COL21A1: variants seen among roughly 807,000 people sequenced by gnomAD.
COL21A1 encodes the protein collagen alpha-1(XXI) chain.
COL21A1 carries 149 observed loss-of-function variants against 137.9 expected under a neutral mutation model. The ratio of observed to expected loss-of-function variants is 1.08; its 90% CI spans 0.95 to 1.24. COL21A1 has a LOEUF of 1.24. COL21A1 is among the 50% of genes most tolerant of loss of function. COL21A1 has a pLI of 0.00. For missense variants in COL21A1, 1,167 were observed against 1,158.4 expected (o/e 1.01, Z -0.11); for synonymous variants, 456 against 391.5 (o/e 1.16, Z -1.95).
At chr6:56,336,949 G>A (rs572438206) in intron 1 of COL21A1, among the ~76,000 whole-genome samples, 144 of 152,284 alleles carry the variant, frequency 9.5e-4, no homozygotes, top group Non-Finnish European at 1.6e-3. Context: ...TTTTGACTAA[G>A]TAAATACTCT....
At chr6:56,097,405 T>G (rs1769431952) in intron 17 of COL21A1, among the ~76,000 whole-genome samples, 1 of 152,120 alleles carries the variant, frequency 6.6e-6, no homozygotes, top group Admixed American at 6.6e-5. Flanking sequence ...ATTTAGTTTT[T>G]GCTTGCTTAT....
intron 1 of COL21A1, among the ~76,000 whole-genome samples, chr6:56,305,486 A>C (rs1226602503): frequency 6.6e-6 from 1 of 152,162 alleles, no homozygotes; most frequent in Non-Finnish European, 1.5e-5. Context: ...ACCATTATGT[A>C]ATGGCCTTCT....
intron 1 of COL21A1, among the ~76,000 whole-genome samples, chr6:56,213,354 A>G (rs1434662270): frequency 6.6e-6 from 1 of 151,832 alleles, no homozygotes; most frequent in East Asian, 1.9e-4. Flanking sequence ...CCTTGTCTGA[A>G]CTCCTCAGAG....
At chr6:56,227,773 G>A (rs1781304274) in intron 1 of COL21A1, among the ~76,000 whole-genome samples, 1 of 152,018 alleles carries the variant, frequency 6.6e-6, no homozygotes, top group African/African-American at 2.4e-5. Context: ...TTTGTGAAAA[G>A]ATATCAAATA....
chr6:56,061,626 G>A (rs933304904), intron 25 of COL21A1, 23 bp downstream of exon 25: 2 of 1,548,594 alleles, frequency 1.3e-6, no homozygotes. Context: ...GAGCAAGAGA[G>A]CATAATATAT....
chr6:56,257,536 C>T (rs1763131559), intron 1 of COL21A1, among the ~76,000 whole-genome samples: 1 of 151,714 alleles, frequency 6.6e-6, no homozygotes, highest in African/African-American at 2.4e-5. Flanking sequence ...AAGAAAAAAC[C>T]CCCAAAGCCC....
chr6:56,245,985 A>G (rs1450738219), intron 1 of COL21A1, among the ~76,000 whole-genome samples: 1 of 152,218 alleles, frequency 6.6e-6, no homozygotes, highest in Non-Finnish European at 1.5e-5. Flanking sequence ...TTTCTTATCC[A>G]GTGTCAGATT....
chr6:56,302,806 C>T (rs1445967245), intron 1 of COL21A1, among the ~76,000 whole-genome samples: 11 of 151,590 alleles, frequency 7.3e-5, no homozygotes, highest in East Asian at 1.9e-4. Context: ...TCCTTGCCCA[C>T]ACCTATGTCC....
chr6:56,349,348 A>G (rs1235423041), intron 1 of COL21A1, among the ~76,000 whole-genome samples: 1 of 66,590 alleles, frequency 1.5e-5, no homozygotes, highest in African/African-American at 5.4e-5. Flanking sequence ...GCCCCCCTGA[A>G]AAAAAAAAAA....
At chr6:56,272,105 A>G (rs934934005) in intron 1 of COL21A1, among the ~76,000 whole-genome samples, 4 of 152,212 alleles carry the variant, frequency 2.6e-5, no homozygotes, top group Non-Finnish European at 5.9e-5. Flanking sequence ...GAGGGCCACC[A>G]TCTCCAGATC....
At chr6:56,156,746 AGAGTT>A in intron 10 of COL21A1, 136 bp downstream of exon 10, 1 of 700,324 alleles carries the variant, frequency 1.4e-6, no homozygotes, top group Non-Finnish European at 2.5e-6. Flanking sequence ...TCGTTCCAAC[AGAGTT>A]GAGTTCAGTC....
intron 1 of COL21A1, among the ~76,000 whole-genome samples, chr6:56,210,190 G>A (rs1274299676): frequency 6.6e-6 from 1 of 152,070 alleles, no homozygotes; most frequent in East Asian, 1.9e-4. Flanking sequence ...AACCACCATG[G>A]CATGTGTAAA....
intron 1 of COL21A1, among the ~76,000 whole-genome samples, chr6:56,342,845 C>T (rs1476756325): frequency 6.6e-6 from 1 of 152,192 alleles, no homozygotes; most frequent in Non-Finnish European, 1.5e-5. Flanking sequence ...ACGCACCACC[C>T]TGAAAGGTCT....
intron 1 of COL21A1, among the ~76,000 whole-genome samples, chr6:56,287,457 G>A (rs867874951): frequency 6.6e-6 from 1 of 152,108 alleles, no homozygotes; most frequent in Non-Finnish European, 1.5e-5. Flanking sequence ...CTTTCCCCTT[G>A]CTGTTCTCAT....
intron 10 of COL21A1, among the ~76,000 whole-genome samples, chr6:56,154,861 G>GC (rs1775619962): frequency 6.6e-6 from 1 of 151,642 alleles, no homozygotes; most frequent in African/African-American, 2.4e-5. Flanking sequence ...TACCACTTTT[G>GC]TTTACCCCTT....
In COL21A1 at chr6:56,325,404, T is replaced by G. The variant is rs866757956; in HGVS notation, c.-39+68567A>C. Among the ~76,000 whole-genome samples the G allele has an allele frequency of 7.9e-3, 2 of 254 alleles. 1 individual carries two copies. Among genetic ancestry groups the G allele is most frequent in the African/African-American group, 8.1e-3 (2 of 246 alleles). The allele number at this position is 254 out of a possible 152,430, so 0.2% of individuals were successfully genotyped here. On this transcript the variant is annotated intron_variant, in intron 1 of 28. Coordinates refer to the COL21A1 transcript ENST00000370819. ...ATAATATATTATATATTATATATAT[T>G]ATATATATTATATATTATATATTAT...
In COL21A1 at chr6:56,182,595, G is replaced by C. The variant is rs1226824346; in HGVS notation, c.24C>G (p.Leu8=). MAHYITF[L]CMVLVLLLQN... ...GAAGAAGCAGCACCAAAACCATGCA[G>C]AGAAATGTAATATAGTGAGCCATGT... is the stretch of plus-strand genomic sequence containing the variant. The change falls in exon 2 of 30, where the codon CTC becomes CTG. Residue 8 remains leucine (L), a synonymous_variant. Transcript: ENST00000244728. 3.1e-6 allele frequency: 5 copies of C among 1,604,296 alleles called. No homozygotes were observed. The highest frequency in any genetic ancestry group is 4.3e-6 in the Non-Finnish European group (5 of 1,174,504).
intron 9 of COL21A1, among the ~76,000 whole-genome samples, chr6:56,157,508 A>G (rs1397304648): frequency 1.3e-5 from 2 of 151,962 alleles, no homozygotes; most frequent in Non-Finnish European, 1.5e-5. Flanking sequence ...ATGGGGTTTC[A>G]CCATGTTTGC....
chr6:56,068,375 G>T (rs527418276), intron 22 of COL21A1, among the ~76,000 whole-genome samples: 1 of 151,618 alleles, frequency 6.6e-6, no homozygotes, highest in African/African-American at 2.4e-5. Flanking sequence ...CAGTAGCATG[G>T]ACTTCTCAGG....
Sources: allele counts gnomAD v4.1 joint callset (sites outside exome capture counted in the v4.1 genomes callset), GRCh38; gene constraint gnomAD v4.1.1; transcripts MANE v1.5; gene names NCBI Gene and HGNC (gene_info 2026-07-23, HGNC 2026-07-21).